Variants in DGKI observed in about 807,000 individuals in gnomAD.
The protein encoded by DGKI is DAG kinase iota.
Under a neutral mutation model 147.5 loss-of-function variants are expected in DGKI, and 55 were observed. That is an observed-to-expected ratio of 0.37 (90% CI 0.30 to 0.47). The LOEUF (loss-of-function observed/expected upper bound fraction) is 0.47. DGKI is among the 20% of genes least tolerant of loss of function. DGKI has a pLI of 1.00. For missense variants in DGKI, 1,007 were observed against 1,323.8 expected (o/e 0.76, Z 3.71); for synonymous variants, 469 against 477.1 (o/e 0.98, Z 0.22).
At chr7:137,407,499 C>A (rs1812001483) in intron 30 of DGKI, among the ~76,000 whole-genome samples, 1 of 152,084 alleles carries the variant, frequency 6.6e-6, no homozygotes, top group Non-Finnish European at 1.5e-5. Context: ...CAACGATGAA[C>A]CGCAAATACA....
chr7:137,541,261 G>A (rs1817694019), intron 20 of DGKI, among the ~76,000 whole-genome samples: 1 of 152,168 alleles, frequency 6.6e-6, no homozygotes, highest in South Asian at 2.1e-4. Context: ...GTGTGTGCAT[G>A]TGCGTGTGTG....
intron 1 of DGKI, among the ~76,000 whole-genome samples, chr7:137,780,720 G>T (rs1409593465): frequency 1.3e-5 from 2 of 152,158 alleles, no homozygotes; most frequent in East Asian, 1.9e-4. Context: ...CAAGCATCAA[G>T]AAATAATTTT....
rs1299143306 is a variant in DGKI at position 137,381,087 on chromosome 7, A to G, written c.*10133T>C. ...CATTTCCACACAATTCACAATACAG[A>G]AAAAGTGTCCAAAAAGTAACTGTAA... On this transcript the variant is annotated 3_prime_UTR_variant, in exon 33 of 33. Transcript: ENST00000614521. 6.6e-6 allele frequency: 1 copy of G among 152,120 alleles called. No homozygotes were observed. Among genetic ancestry groups the G allele is most frequent in the African/African-American group, 2.4e-5 (1 of 41,432 alleles). The allele number at this position is 152,120 out of a possible 1,614,324, so 9.4% of individuals were successfully genotyped here.
At chr7:137,706,353 C>T (rs901080491) in intron 1 of DGKI, among the ~76,000 whole-genome samples, 2 of 151,582 alleles carry the variant, frequency 1.3e-5, no homozygotes, top group African/African-American at 4.8e-5. Context: ...ATGCAGACCA[C>T]CAAGGGAAAA....
In DGKI at chr7:137,441,289, C is replaced by T. The variant is rs187373472; in HGVS notation, c.2761+2788G>A. On this transcript the variant is annotated intron_variant, in intron 28 of 32. Coordinates refer to ENST00000614521, the MANE Select transcript of DGKI (RefSeq NM_001321708.2). Reference sequence around the variant, plus strand: ...ACAAAAAATTAGCCGGGCATGGTGGCGGCCGCCTGTAGTCCCAGCTACTTG... The same window carrying T: ...ACAAAAAATTAGCCGGGCATGGTGGTGGCCGCCTGTAGTCCCAGCTACTTG... 3.7e-3 allele frequency among the ~76,000 whole-genome samples: 559 copies of T among 151,978 alleles called. 3 individuals are homozygous for T. Among genetic ancestry groups the T allele is most frequent in the African/African-American group, 0.011 (470 of 41,440 alleles).
chr7:137,534,654 T>TA (rs948589157), intron 20 of DGKI, among the ~76,000 whole-genome samples: 2 of 151,936 alleles, frequency 1.3e-5, no homozygotes, highest in African/African-American at 2.4e-5. Context: ...TACCCTTTAA[T>TA]AAAAAAATAT....
At chr7:137,646,334 C>T (rs1265571899) in intron 5 of DGKI, among the ~76,000 whole-genome samples, 1 of 152,188 alleles carries the variant, frequency 6.6e-6, no homozygotes, top group Non-Finnish European at 1.5e-5. Context: ...ACAAGAGATA[C>T]AAGCATATCA....
intron 20 of DGKI, among the ~76,000 whole-genome samples, chr7:137,539,925 A>C (rs993308773): frequency 9.2e-5 from 14 of 152,206 alleles, no homozygotes; most frequent in Non-Finnish European, 1.9e-4. Flanking sequence ...TGCAGACCTC[A>C]CAGACATGAA....
At position 137,723,293 on chromosome 7, in the gene DGKI, T is replaced by A. The variant is rs147387047; in HGVS notation, c.402-33291A>T. On this transcript the variant is annotated intron_variant, in intron 1 of 32. Coordinates refer to ENST00000614521, the MANE Select transcript of DGKI (RefSeq NM_001321708.2). ...AAAGTGACTTTATTCATTCATTTGG[T>A]CATTCACTAATTTACCCAACACATT... 2.6e-5 allele frequency among the ~76,000 whole-genome samples: 4 copies of A among 152,350 alleles called. No individual in the cohort carries two copies. The East Asian group carries it at 7.7e-4, about 29-fold the overall frequency.
intron 27 of DGKI, among the ~76,000 whole-genome samples, chr7:137,458,924 C>A (rs77657641): frequency 0.039 from 5,985 of 152,158 alleles, 294 homozygotes; most frequent in East Asian, 0.12. Flanking sequence ...ATGGTCCCAG[C>A]AGTAATAATG....
rs557828897 is a variant in DGKI, at chr7:137,472,451, C to T, written c.2374-2832G>A. Among the ~76,000 whole-genome samples the T allele has an allele frequency of 1.9e-4, 17 of 90,754 alleles. No individual in the cohort carries two copies. In the South Asian group the frequency reaches 3.5e-3, roughly 19 times the overall value. 59.5% of individuals were successfully genotyped at this position (90,754 alleles called of 152,430 possible). A position where few individuals can be genotyped will look rare whatever the true frequency, so the allele number is the denominator to read the frequency against. ...TTATATGTACATATACATATATAAACGTATATATTATATGTTATATATACA... is the reference window on the plus strand; with the variant it reads ...TTATATGTACATATACATATATAAATGTATATATTATATGTTATATATACA... On this transcript the variant is annotated intron_variant, in intron 23 of 32. Coordinates refer to ENST00000614521, the MANE Select transcript of DGKI (RefSeq NM_001321708.2).
At chr7:137,597,233 A>G (rs1056012467) in intron 12 of DGKI, among the ~76,000 whole-genome samples, 5 of 152,204 alleles carry the variant, frequency 3.3e-5, no homozygotes, top group Admixed American at 1.3e-4. Flanking sequence ...GTAGCTAGAA[A>G]AGAGAACTTG....
intron 29 of DGKI, among the ~76,000 whole-genome samples, chr7:137,411,237 C>A (rs1464586456): frequency 2.0e-5 from 3 of 152,166 alleles, no homozygotes; most frequent in Non-Finnish European, 4.4e-5. Flanking sequence ...TCAGTTCCAG[C>A]AGGGGGTTTG....
chr7:137,713,930 G>A (rs1794292818), intron 1 of DGKI, among the ~76,000 whole-genome samples: 2 of 152,152 alleles, frequency 1.3e-5, no homozygotes, highest in African/African-American at 4.8e-5. Flanking sequence ...ATGAGCCACT[G>A]TGCCTGGCCA....
intron 1 of DGKI, among the ~76,000 whole-genome samples, chr7:137,831,839 A>C (rs1386433474): frequency 1.3e-5 from 2 of 152,258 alleles, no homozygotes; most frequent in East Asian, 3.8e-4. Context: ...TGTAAAATCC[A>C]AAGTAAGCTA....
chr7:137,700,746 C>T (rs1028420395), intron 1 of DGKI, among the ~76,000 whole-genome samples: 24 of 152,130 alleles, frequency 1.6e-4, no homozygotes, highest in African/African-American at 4.3e-4. Flanking sequence ...GGCATGGTGG[C>T]GGGAGCCTAT....
intron 1 of DGKI, among the ~76,000 whole-genome samples, chr7:137,830,602 A>G (rs1050082958): frequency 6.6e-6 from 1 of 152,220 alleles, no homozygotes; most frequent in African/African-American, 2.4e-5. Context: ...AGAAAAGTGA[A>G]GTTGATTGAA....
At chr7:137,581,634 G>A (rs888755740) in intron 15 of DGKI, among the ~76,000 whole-genome samples, 3 of 151,900 alleles carry the variant, frequency 2.0e-5, no homozygotes, top group Admixed American at 6.6e-5. Context: ...GGACAACTAG[G>A]TCTCAGGGTC....
At chr7:137,795,861 C>T (rs993093189) in intron 1 of DGKI, among the ~76,000 whole-genome samples, 9 of 152,144 alleles carry the variant, frequency 5.9e-5, no homozygotes, top group African/African-American at 2.2e-4. Context: ...AAATGTCTGT[C>T]CAATTATTAG....
Sources: allele counts gnomAD v4.1 joint callset (sites outside exome capture counted in the v4.1 genomes callset), GRCh38; gene constraint gnomAD v4.1.1; transcripts MANE v1.5; gene names NCBI Gene and HGNC (gene_info 2026-07-23, HGNC 2026-07-21).